Variants in YTHDF1 observed in about 807,000 individuals in gnomAD.
The protein encoded by YTHDF1 is YTH N6-methyladenosine RNA binding protein F1.
A neutral mutation model predicts 49.1 loss-of-function variants in YTHDF1; 16 were observed. The observed-to-expected ratio is 0.33, with a 90% CI of 0.22 to 0.49. YTHDF1 has a LOEUF of 0.49. Among genes scored for constraint, YTHDF1 ranks in the 20% least tolerant of loss-of-function variants. The pLI is 0.99. For missense variants in YTHDF1, 621 were observed against 744.3 expected (o/e 0.83, Z 1.93); for synonymous variants, 313 against 290.1 (o/e 1.08, Z -0.80).
At chr20:63,206,625 C>G (rs190069636) in intron 3 of YTHDF1, among the ~76,000 whole-genome samples, 5 of 152,338 alleles carry the variant, frequency 3.3e-5, no homozygotes, top group African/African-American at 1.2e-4. Context: ...GCCCTAAACC[C>G]TCCTGATACT....
chr20:63,204,023 G>A (rs1287345013), intron 3 of YTHDF1, among the ~76,000 whole-genome samples: 3 of 152,164 alleles, frequency 2.0e-5, no homozygotes, highest in Non-Finnish European at 2.9e-5. Context: ...CTCAAAATAC[G>A]AAGCATCATT....
intron 4 of YTHDF1, among the ~76,000 whole-genome samples, chr20:63,199,326 T>A (rs1290068091): frequency 6.6e-6 from 1 of 151,918 alleles, no homozygotes; most frequent in Non-Finnish European, 1.5e-5. Context: ...GAGACCATCC[T>A]GGCTAACACG....
In YTHDF1 at chr20:63,202,995, C is replaced by G; in HGVS notation, c.945G>C (p.Pro315=). The stretch of plus-strand genomic sequence containing the variant: ...GTGGCTGCTGAGGGCTCTGATACTG[C>G]GGTTGAGCCAAAGCTGGGGGCTGTG... The part of the protein sequence containing the change: ...LPAQPPALAQ[P]QYQSPQQPPQ... The change falls in exon 4 of 5, where the codon CCG becomes CCC. Residue 315 remains proline, a synonymous_variant. Transcript: ENST00000370339. The G allele has an allele frequency of 6.2e-7, 1 of 1,612,628 alleles. No homozygotes were observed. The highest frequency in any genetic ancestry group is 8.5e-7 in the Non-Finnish European group (1 of 1,179,658).
rs1327013062 is a variant in YTHDF1 at position 63,195,464 on chromosome 20, C to T, written c.*1244G>A. 4.6e-5 allele frequency: 7 copies of T among 152,662 alleles called. No homozygotes were observed. Among genetic ancestry groups the T allele is most frequent in the Non-Finnish European group, 1.0e-4 (7 of 68,040 alleles). 9.5% of individuals were successfully genotyped at this position (152,662 alleles called of 1,614,324 possible). A position where few individuals can be genotyped will look rare whatever the true frequency, so the allele number is the denominator to read the frequency against. ...AGTATTGTTTATTAAGGCTTGTATT[C>T]TCCTAGAGGAAAAACCCAATGTCGT... On this transcript the variant is annotated 3_prime_UTR_variant, in exon 5 of 5. Transcript: ENST00000370339.
chr20:63,215,525 C>A, intron 2 of YTHDF1, 52 bp downstream of exon 2: 3 of 1,612,554 alleles, frequency 1.9e-6, no homozygotes, highest in Non-Finnish European at 1.7e-6. Flanking sequence ...ACCGTTCCTT[C>A]CCCGTCCTCC....
At chr20:63,211,083 A>C (rs1437281530) in intron 3 of YTHDF1, among the ~76,000 whole-genome samples, 1 of 145,210 alleles carries the variant, frequency 6.9e-6, no homozygotes, top group African/African-American at 2.6e-5. Flanking sequence ...AGACTTTCTA[A>C]ACCATTCTAA....
chr20:63,202,664 G>A lies in YTHDF1; in HGVS notation c.1276C>T (p.Arg426Cys), dbSNP rs757745929. 2.5e-6 allele frequency: 4 copies of A among 1,613,858 alleles called. No individual in the cohort carries two copies. Among genetic ancestry groups the A allele is most frequent in the South Asian group, 1.1e-5 (1 of 91,086 alleles). Residue 426 changes from arginine to cysteine, a missense_variant, in exon 4 of 5, where the codon CGC becomes TGC. Arg to Cys is a radical substitution (Grantham distance 180, BLOSUM62 -3). Around this residue, in one of 2 missense-constraint regions of YTHDF1, gnomAD observed 151 missense variants for 248.5 expected, o/e 0.61. Transcript: ENST00000370339. ...ACGGGCCCCTTGCTGCTCATGCAGCGGAAGGCGCTGTCCAGGCGCTTGTTG... is the reference window on the plus strand; with the variant it reads ...ACGGGCCCCTTGCTGCTCATGCAGCAGAAGGCGCTGTCCAGGCGCTTGTTG... ...HGNKRLDSAF[R>C]CMSSKGPVYL... is the part of the protein sequence containing the mutation.
At chr20:63,214,822 T>C (rs2066593583) in intron 2 of YTHDF1, among the ~76,000 whole-genome samples, 1 of 152,212 alleles carries the variant, frequency 6.6e-6, no homozygotes, top group Non-Finnish European at 1.5e-5. Context: ...TCTTAGAAGC[T>C]ATCTTTTTCA....
chr20:63,204,957 G>A (rs576841008), intron 3 of YTHDF1, among the ~76,000 whole-genome samples: 1 of 151,112 alleles, frequency 6.6e-6, no homozygotes, highest in Non-Finnish European at 1.5e-5. Flanking sequence ...CCAGTGTGAG[G>A]TAAGAAGGCT....
intron 3 of YTHDF1, 67 bp downstream of exon 3, chr20:63,213,797 G>T: frequency 7.3e-7 from 1 of 1,371,474 alleles, no homozygotes; most frequent in South Asian, 1.3e-5. Flanking sequence ...AATCAGAAAT[G>T]ACAGTAAAGG....
intron 3 of YTHDF1, among the ~76,000 whole-genome samples, chr20:63,212,902 G>A (rs920944692): frequency 1.3e-5 from 2 of 152,318 alleles, no homozygotes; most frequent in South Asian, 2.1e-4. Context: ...GAATGTTCCC[G>A]TGCAAAATGT....
chr20:63,215,229 T>C (rs888056231), intron 2 of YTHDF1, among the ~76,000 whole-genome samples: 4 of 152,226 alleles, frequency 2.6e-5, no homozygotes, highest in African/African-American at 7.2e-5. Context: ...AACCTTGGAC[T>C]GCCCCTCTCC....
rs923537743 is a variant in YTHDF1 at position 63,195,772 on chromosome 20, TAA to T, written c.*934_*935del. 2 of 152,110 alleles carry T rather than the reference TAA, an allele frequency of 1.3e-5. No individual in the cohort carries two copies. The highest frequency in any genetic ancestry group is 2.9e-5 in the Non-Finnish European group (2 of 68,012). The allele number at this position is 152,110 out of a possible 1,614,324, so 9.4% of individuals were successfully genotyped here. A position where few individuals can be genotyped will look rare whatever the true frequency, so the allele number is the denominator to read the frequency against. ...AAAACATGACAGCAAATTCATCTTCTAAAAAAAGTTTTGTTTTGTTTTTACCC... is the reference window on the plus strand; with the variant it reads ...AAAACATGACAGCAAATTCATCTTCTAAAAAGTTTTGTTTTGTTTTTACCC... On this transcript the variant is annotated 3_prime_UTR_variant, in exon 5 of 5. Coordinates refer to ENST00000370339, the MANE Select transcript of YTHDF1 (RefSeq NM_017798.4).
chr20:63,206,816 A>C (rs1360217391), intron 3 of YTHDF1, among the ~76,000 whole-genome samples: 1 of 152,234 alleles, frequency 6.6e-6, no homozygotes, highest in Non-Finnish European at 1.5e-5. Context: ...AGCTATGTGA[A>C]GTCAGTCATT....
chr20:63,200,356 CA>C (rs112262061), intron 4 of YTHDF1, among the ~76,000 whole-genome samples: 1,622 of 134,986 alleles, frequency 0.012, 25 homozygotes, highest in African/African-American at 0.034. Flanking sequence ...GAGATTGGCT[CA>C]AAAAAAAAAA....
intron 3 of YTHDF1, among the ~76,000 whole-genome samples, chr20:63,205,230 C>T (rs1336545084): frequency 6.6e-6 from 1 of 152,126 alleles, no homozygotes; most frequent in African/African-American, 2.4e-5. Context: ...AGCACCCAGT[C>T]GGGGACACCA....
Position 63,203,920 on chromosome 20 carries a change from G to C in YTHDF1, c.133-113C>G, listed in dbSNP as rs1045968944. On this transcript the variant is annotated intron_variant, in intron 3 of 4. Transcript: ENST00000370339. This position sits in a 1 kb window ranked among gnomAD's most constrained non-coding sequence, Gnocchi z 4.4. ...GCAAAAACAAAACCTGCACAGCATG[G>C]GGCTACTCCTTCCAGAAAGAAAGCT... 2.1e-6 allele frequency: 2 copies of C among 955,432 alleles called. No homozygotes were observed. Among genetic ancestry groups the C allele is most frequent in the Non-Finnish European group, 3.0e-6 (2 of 660,960 alleles). 59.2% of individuals were successfully genotyped at this position (955,432 alleles called of 1,614,324 possible). A position where few individuals can be genotyped will look rare whatever the true frequency, so the allele number is the denominator to read the frequency against.
chr20:63,208,427 TAGAGG>T (rs1338910020), intron 3 of YTHDF1, among the ~76,000 whole-genome samples: 3 of 152,122 alleles, frequency 2.0e-5, no homozygotes, highest in African/African-American at 7.2e-5. Flanking sequence ...GAGAAAATGT[TAGAGG>T]AAAATAACCG....
chr20:63,205,921 T>C (rs913174077), intron 3 of YTHDF1, among the ~76,000 whole-genome samples: 1 of 152,174 alleles, frequency 6.6e-6, no homozygotes, highest in African/African-American at 2.4e-5. Context: ...AAACATGAGA[T>C]TAATCTGAGC....
Sources: allele counts gnomAD v4.1 joint callset (sites outside exome capture counted in the v4.1 genomes callset), GRCh38; gene constraint gnomAD v4.1.1; regional missense constraint gnomAD v4.1.1; non-coding constraint Gnocchi (gnomAD v3.1); transcripts MANE v1.5; gene names NCBI Gene and HGNC (gene_info 2026-07-23, HGNC 2026-07-21).